The following ICA1 variants were observed in gnomAD, a reference collection of about 807,000 sequenced individuals.
ICA1 encodes islet cell autoantigen 1.
ICA1 carries 40 observed loss-of-function variants against 71.0 expected under a neutral mutation model. The ratio of observed to expected loss-of-function variants is 0.56; its 90% CI spans 0.44 to 0.73. ICA1 has a LOEUF of 0.73. Ranked by LOEUF, ICA1 falls within the 30% of genes least tolerant of loss-of-function variation. The pLI, the probability that ICA1 is intolerant of heterozygous loss-of-function variation, is 0.00. For missense variants in ICA1, 578 were observed against 576.5 expected (o/e 1.00, Z -0.03); for synonymous variants, 207 against 209.5 (o/e 0.99, Z 0.10).
intron 6 of ICA1, among the ~76,000 whole-genome samples, chr7:8,207,924 A>C (rs756007219): frequency 9.2e-5 from 14 of 152,212 alleles, no homozygotes; most frequent in Non-Finnish European, 1.3e-4. Context: ...TCTGAGTTTC[A>C]CTGAGAGACA....
At chr7:8,193,154 G>A (rs371294430) in intron 6 of ICA1, among the ~76,000 whole-genome samples, 1 of 152,186 alleles carries the variant, frequency 6.6e-6, no homozygotes, top group East Asian at 1.9e-4. Context: ...GTAAACAAAT[G>A]TGTGCATATC....
chr7:8,260,312 A>G (rs3807807), intron 1 of ICA1, among the ~76,000 whole-genome samples: 99,268 of 152,012 alleles, frequency 0.65, 33,505 homozygotes, highest in African/African-American at 0.83. Flanking sequence ...TTTTCGTGAG[A>G]TTGATCTTTA....
At chr7:8,192,356 C>T (rs889271722) in intron 6 of ICA1, among the ~76,000 whole-genome samples, 1 of 152,084 alleles carries the variant, frequency 6.6e-6, no homozygotes, top group Admixed American at 6.6e-5. Flanking sequence ...TCTGATGTGT[C>T]CTCACACTTA....
At chr7:8,136,545 G>A (rs1454239439) in intron 12 of ICA1, among the ~76,000 whole-genome samples, 1 of 152,274 alleles carries the variant, frequency 6.6e-6, no homozygotes, top group South Asian at 2.1e-4. Context: ...TAATATTTAA[G>A]CCGACGCTAC....
Position 8,220,527 on chromosome 7 carries a change from G to C in ICA1, c.380+748C>G, listed in dbSNP as rs759061107. On this transcript the variant is annotated intron_variant, in intron 5 of 13. Transcript: ENST00000402384. The stretch of plus-strand genomic sequence containing the variant: ...ACTACTAGTGAGTGACATTTTGGGG[G>C]TTTGTTAGTTACTGGGAGAGAAGGG... Among the ~76,000 whole-genome samples the C allele has an allele frequency of 3.9e-5, 6 of 152,280 alleles. No individual in the cohort carries two copies. The South Asian group carries it at 8.3e-4, about 21-fold the overall frequency.
intron 6 of ICA1, among the ~76,000 whole-genome samples, chr7:8,208,626 T>C (rs1480533270): frequency 6.6e-6 from 1 of 152,142 alleles, no homozygotes; most frequent in African/African-American, 2.4e-5. Context: ...TCTAGAAGGA[T>C]GTGTTGCTAT....
intron 13 of ICA1, chr7:8,116,346 T>C (rs946496393): frequency 6.6e-6 from 1 of 152,186 alleles, no homozygotes; most frequent in African/African-American, 2.4e-5. Flanking sequence ...AACCAGAGCA[T>C]ATCAGATCTA....
At chr7:8,227,931 G>T in intron 4 of ICA1, 1 of 405,890 alleles carries the variant, frequency 2.5e-6, no homozygotes. Context: ...GTAGAAAAAT[G>T]ACCAATTATT....
At chr7:8,177,442 G>A (rs1001234304) in intron 6 of ICA1, among the ~76,000 whole-genome samples, 1 of 152,134 alleles carries the variant, frequency 6.6e-6, no homozygotes, top group Admixed American at 6.5e-5. Flanking sequence ...TCACAAGACT[G>A]AGCCCAGGGC....
At chr7:8,152,899 T>G (rs1278041773) in intron 8 of ICA1, among the ~76,000 whole-genome samples, 1 of 18,210 alleles carries the variant, frequency 5.5e-5, no homozygotes, top group East Asian at 1.7e-3. Flanking sequence ...ACTACCACCA[T>G]TATCTCCTTC....
chr7:8,242,768 C>T (rs1804453309), intron 1 of ICA1, among the ~76,000 whole-genome samples: 1 of 152,202 alleles, frequency 6.6e-6, no homozygotes, highest in Non-Finnish European at 1.5e-5. Context: ...AAACTACCAT[C>T]AGAGAATACT....
chr7:8,203,158 T>C (rs552359000), intron 6 of ICA1, among the ~76,000 whole-genome samples: 85 of 152,332 alleles, frequency 5.6e-4, no homozygotes, highest in Middle Eastern at 3.4e-3. Flanking sequence ...TAGTACTGAT[T>C]CTAGATAAAC....
chr7:8,220,215 C>G (rs1267390211), intron 5 of ICA1, among the ~76,000 whole-genome samples: 1 of 152,134 alleles, frequency 6.6e-6, no homozygotes, highest in Non-Finnish European at 1.5e-5. Context: ...TGGTTTCATT[C>G]AAGCATAAAA....
At chr7:8,145,632 C>T (rs1796578368) in intron 8 of ICA1, among the ~76,000 whole-genome samples, 1 of 151,690 alleles carries the variant, frequency 6.6e-6, no homozygotes, top group Non-Finnish European at 1.5e-5. Flanking sequence ...GAACCACATG[C>T]AGCAAGTCTG....
chr7:8,236,887 AGAGT>A (rs764879332), intron 1 of ICA1: 1 of 152,474 alleles, frequency 6.6e-6, no homozygotes, highest in East Asian at 1.9e-4. Context: ...TCTAGCTGCC[AGAGT>A]GAGTGCTCAC....
At position 8,232,607 on chromosome 7, in the gene ICA1, G is replaced by C. The variant is rs767944400; in HGVS notation, c.166C>G (p.Leu56Val). ...DEHVVASDAD[L>V]DAKLELFHSI... ...GAGCTCACCTCTAGCTTGGCATCCA[G>C]GTCCGCGTCAGAGGCAACAACATGT... is the stretch of plus-strand genomic sequence containing the variant. Residue 56 changes from leucine to valine, a missense_variant, in exon 3 of 14, where the codon CTG becomes GTG. Coordinates refer to ENST00000402384, the MANE Select transcript of ICA1 (RefSeq NM_001136020.3). 6.2e-7 allele frequency: 1 copy of C among 1,611,718 alleles called. No individual in the cohort carries two copies. The highest frequency in any genetic ancestry group is 1.3e-5 in the African/African-American group (1 of 74,864).
intron 12 of ICA1, among the ~76,000 whole-genome samples, chr7:8,138,302 T>C (rs886424917): frequency 1.4e-4 from 22 of 152,260 alleles, no homozygotes; most frequent in African/African-American, 5.1e-4. Flanking sequence ...AGAGACTTAC[T>C]ACAGTAAATC....
At chr7:8,151,913 T>C (rs960647552) in intron 8 of ICA1, among the ~76,000 whole-genome samples, 16 of 152,350 alleles carry the variant, frequency 1.1e-4, no homozygotes, top group Admixed American at 3.3e-4. Flanking sequence ...TGGTTATTTT[T>C]GAACATGTTC....
chr7:8,151,685 C>T (rs919552144), intron 8 of ICA1, among the ~76,000 whole-genome samples: 3 of 152,046 alleles, frequency 2.0e-5, no homozygotes, highest in East Asian at 1.9e-4. Context: ...GCCATGTGGC[C>T]GGTTGGTAAA....
Sources: gnomAD v4.1 joint callset for allele counts (sites outside exome capture counted in the v4.1 genomes callset) on GRCh38, gnomAD v4.1.1 for gene constraint, MANE v1.5 for transcripts, NCBI Gene and HGNC (gene_info 2026-07-23, HGNC 2026-07-21) for gene names.